Variants in LRP1B observed in about 807,000 individuals in gnomAD.
LRP1B encodes the protein low-density lipoprotein receptor-related protein 1B.
LRP1B carries 217 observed loss-of-function variants against 556.6 expected under a neutral mutation model. That is an observed-to-expected ratio of 0.39 (90% CI 0.35 to 0.44). The LOEUF is 0.44. Among genes scored for constraint, LRP1B ranks in the 20% least tolerant of loss-of-function variants. The probability of loss-of-function intolerance (pLI) is 1.00; values close to 1 mark genes in which losing one functional copy is unlikely to be tolerated. For synonymous variants in LRP1B, 2,047 were observed against 1,865.8 expected, an observed-to-expected ratio of 1.10 and a Z score of -2.50; for missense variants, 5,053 against 5,620.8, an observed-to-expected ratio of 0.90 and a Z score of 3.23.
At chr2:140,753,355 T>G (rs1688646477) in intron 35 of LRP1B, among the ~76,000 whole-genome samples, 1 of 152,204 alleles carries the variant, frequency 6.6e-6, no homozygotes, top group African/African-American at 2.4e-5. Flanking sequence ...ACAATATGAT[T>G]TATCTCTCTA....
chr2:142,067,255 T>C (rs1010292057), intron 1 of LRP1B, among the ~76,000 whole-genome samples: 7 of 151,486 alleles, frequency 4.6e-5, no homozygotes, highest in Non-Finnish European at 7.4e-5. Flanking sequence ...CTTCTTCCTA[T>C]GTAAGGTAAT....
chr2:140,327,909 A>G (rs1011069314), intron 79 of LRP1B, among the ~76,000 whole-genome samples: 2 of 152,024 alleles, frequency 1.3e-5, no homozygotes, highest in Non-Finnish European at 2.9e-5. Flanking sequence ...TTATGGATGA[A>G]TGGAATTTAT....
intron 2 of LRP1B, among the ~76,000 whole-genome samples, chr2:141,604,836 A>G (rs1006940109): frequency 2.0e-5 from 3 of 151,824 alleles, no homozygotes; most frequent in African/African-American, 4.8e-5. Flanking sequence ...ATTCTTCCCC[A>G]TCCTCCTCAG....
intron 43 of LRP1B, among the ~76,000 whole-genome samples, chr2:140,551,425 G>A (rs1680544374): frequency 6.6e-6 from 1 of 152,048 alleles, no homozygotes; most frequent in South Asian, 2.1e-4. Context: ...TGAAGTGCTG[G>A]GAAACTGAAC....
At chr2:141,952,593 C>T (rs1269360915) in intron 1 of LRP1B, among the ~76,000 whole-genome samples, 4 of 151,992 alleles carry the variant, frequency 2.6e-5, no homozygotes, top group East Asian at 3.9e-4. Flanking sequence ...AAGAGAGAGG[C>T]TTTAGGAGAC....
chr2:141,187,407 T>A (rs550517140), intron 7 of LRP1B, among the ~76,000 whole-genome samples: 76 of 152,180 alleles, frequency 5.0e-4, no homozygotes, highest in Admixed American at 2.4e-3. Flanking sequence ...ATTTATTGAA[T>A]GGAGGCTTAT....
chr2:141,522,293 T>C (rs755954358), intron 2 of LRP1B, among the ~76,000 whole-genome samples: 4 of 152,146 alleles, frequency 2.6e-5, no homozygotes, highest in Non-Finnish European at 4.4e-5. Context: ...AAAGCTAGAC[T>C]AGATTCTTCT....
At chr2:142,095,066 A>G (rs944828887) in intron 1 of LRP1B, among the ~76,000 whole-genome samples, 1 of 151,844 alleles carries the variant, frequency 6.6e-6, no homozygotes, top group African/African-American at 2.4e-5. Context: ...AATTTCAAAT[A>G]GCAAAATAAA....
intron 2 of LRP1B, among the ~76,000 whole-genome samples, chr2:141,765,052 G>C (rs1694689690): frequency 6.6e-6 from 1 of 151,960 alleles, no homozygotes. Context: ...AATAAGACAT[G>C]AGTCCTGCCT....
chr2:141,169,729 A>G (rs1680416940), intron 7 of LRP1B, among the ~76,000 whole-genome samples: 1 of 150,476 alleles, frequency 6.6e-6, no homozygotes, highest in South Asian at 2.1e-4. Flanking sequence ...ATGGAAATGG[A>G]GACAAGATAT....
At chr2:141,206,153 A>ACG (rs960281433) in intron 6 of LRP1B, among the ~76,000 whole-genome samples, 6 of 152,066 alleles carry the variant, frequency 3.9e-5, no homozygotes, top group Non-Finnish European at 8.8e-5. Context: ...ACACACACAC[A>ACG]CACACGCACA....
chr2:141,913,912 A>C (rs935676629), intron 1 of LRP1B, among the ~76,000 whole-genome samples: 1 of 151,994 alleles, frequency 6.6e-6, no homozygotes, highest in Admixed American at 6.6e-5. Flanking sequence ...ACACCCAGGT[A>C]ATTTTTTGTA....
intron 3 of LRP1B, among the ~76,000 whole-genome samples, chr2:141,363,320 A>G (rs764727872): frequency 6.6e-6 from 1 of 152,196 alleles, no homozygotes; most frequent in East Asian, 1.9e-4. Context: ...TGAGCTTTAG[A>G]ATATTTTATT....
intron 18 of LRP1B, 23 bp from the exon 19 acceptor site, chr2:140,951,963 C>A: frequency 6.6e-7 from 1 of 1,505,464 alleles, no homozygotes; most frequent in South Asian, 1.1e-5. Context: ...TAAAAATGTC[C>A]AAAAGGTAAC....
intron 2 of LRP1B, among the ~76,000 whole-genome samples, chr2:141,613,460 T>A (rs1688182243): frequency 6.6e-6 from 1 of 152,184 alleles, no homozygotes; most frequent in Admixed American, 6.5e-5. Flanking sequence ...GCTTGTTTAT[T>A]AAATTTTAAT....
At chr2:141,288,537 A>G (rs1436937030) in intron 3 of LRP1B, among the ~76,000 whole-genome samples, 2 of 152,108 alleles carry the variant, frequency 1.3e-5, no homozygotes, top group East Asian at 1.9e-4. Context: ...AGATACTACA[A>G]TAGGTACTTT....
intron 1 of LRP1B, among the ~76,000 whole-genome samples, chr2:142,042,183 C>T (rs1704089004): frequency 6.6e-6 from 1 of 151,280 alleles, no homozygotes; most frequent in Admixed American, 6.6e-5. Context: ...CATTATAACC[C>T]TGGCCTGCTG....
At chr2:141,538,127 C>T (rs1163131564) in intron 2 of LRP1B, among the ~76,000 whole-genome samples, 1 of 152,058 alleles carries the variant, frequency 6.6e-6, no homozygotes, top group Non-Finnish European at 1.5e-5. Flanking sequence ...TATATGCGTA[C>T]ATTCATAGGA....
At chr2:140,900,160 A>C (rs1694063931) in intron 23 of LRP1B, among the ~76,000 whole-genome samples, 1 of 152,218 alleles carries the variant, frequency 6.6e-6, no homozygotes, top group Non-Finnish European at 1.5e-5. Context: ...TAGGAGAGTT[A>C]TCTCTGTCCC....
Sources: gnomAD v4.1 joint callset for allele counts (sites outside exome capture counted in the v4.1 genomes callset) on GRCh38, gnomAD v4.1.1 for gene constraint, MANE v1.5 for transcripts, NCBI Gene and HGNC (gene_info 2026-07-23, HGNC 2026-07-21) for gene names.